The following BABAM1 variants were observed in gnomAD, a reference collection of about 807,000 sequenced individuals.
BABAM1 encodes the protein BRISC and BRCA1-A complex member 1.
Under a neutral mutation model 34.4 loss-of-function variants are expected in BABAM1, and 14 were observed. The ratio of observed to expected loss-of-function variants is 0.41; its 90% CI spans 0.27 to 0.64. BABAM1 has a LOEUF of 0.64. Among genes scored for constraint, BABAM1 ranks in the 30% least tolerant of loss-of-function variants. BABAM1 has a pLI of 0.34. For missense variants in BABAM1, 393 were observed against 434.0 expected, an observed-to-expected ratio of 0.91 and a Z score of 0.84; for synonymous variants, 169 against 165.8, an observed-to-expected ratio of 1.02 and a Z score of -0.15.
intron 2 of BABAM1, among the ~76,000 whole-genome samples, chr19:17,271,088 A>G (rs1044407438): frequency 4.0e-5 from 6 of 151,198 alleles, no homozygotes; most frequent in Non-Finnish European, 8.8e-5. Context: ...TCCCGGGTTC[A>G]AGCAATTCTC....
chr19:17,268,883 G>T lies in BABAM1; in HGVS notation c.77G>T (p.Arg26Leu), dbSNP rs758526214. Residue 26 changes from arginine (R) to leucine (L), a missense_variant, in exon 2 of 9, where the codon CGC becomes CTC. By Grantham distance (102) the Arg-to-Leu change is moderately radical. Coordinates refer to ENST00000598188, the MANE Select transcript of BABAM1 (RefSeq NM_014173.4). ...GAGCACTCGGCAGAGCCTCGGCCCC[G>T]CACTCGCTCCAATCCTGAAGGGGCT... ...EEEHSAEPRP[R>L]TRSNPEGAED... 1 of 1,596,438 alleles carries T rather than the reference G, an allele frequency of 6.3e-7. No homozygotes were observed. The highest frequency in any genetic ancestry group is 8.5e-7 in the Non-Finnish European group (1 of 1,172,346).
At chr19:17,276,982 C>G in intron 8 of BABAM1, 73 bp downstream of exon 8, 1 of 1,389,498 alleles carries the variant, frequency 7.2e-7, no homozygotes, top group Non-Finnish European at 9.9e-7. Flanking sequence ...TGCACTGGGT[C>G]TGGGGGTCTC....
rs748337921 is a variant in BABAM1, at chr19:17,268,839, A to AGAG, written c.45_47dup (p.Glu18dup). On this transcript the variant is annotated inframe_insertion, in exon 2 of 9. Transcript: ENST00000598188. ...TGGCAGAGCCCAGCAGCCCCACTGA[A>AGAG]GAGGAGGAGGAGGAAGAGGAGCACT... The AGAG allele has an allele frequency of 3.1e-6, 5 of 1,610,524 alleles. No individual in the cohort carries two copies. Among genetic ancestry groups the AGAG allele is most frequent in the Non-Finnish European group, 4.2e-6 (5 of 1,178,348 alleles).
intron 5 of BABAM1, chr19:17,274,443 C>T: frequency 2.0e-6 from 1 of 495,790 alleles, no homozygotes. Context: ...TGGTCCATGC[C>T]TATAATCCCA....
At chr19:17,276,376 C>T in intron 6 of BABAM1, 119 bp from the exon 7 acceptor site, 2 of 1,482,110 alleles carry the variant, frequency 1.3e-6, no homozygotes, top group South Asian at 1.2e-5. Flanking sequence ...CAGCAGTGAA[C>T]TTGGGAGACA....
rs555858662 is a variant in BABAM1, at chr19:17,274,396, T to C, written c.544+211T>C. The C allele has an allele frequency of 1.2e-4, 75 of 609,134 alleles. 1 individual carries two copies. Among genetic ancestry groups the C allele is most frequent in the Non-Finnish European group, 1.9e-4 (66 of 351,322 alleles). The allele number at this position is 609,134 out of a possible 1,614,324, so 37.7% of individuals were successfully genotyped here. On this transcript the variant is annotated intron_variant, in intron 5 of 8. Coordinates refer to ENST00000598188, the MANE Select transcript of BABAM1 (RefSeq NM_014173.4). ...CTACCCCATGGAGATGCTGTAACAA[T>C]ACAGAAGCAAAAGTACCTGATTTGG... is the stretch of plus-strand genomic sequence containing the variant.
intron 7 of BABAM1, 75 bp from the exon 8 acceptor site, chr19:17,276,747 GA>G: frequency 6.4e-7 from 1 of 1,556,086 alleles, no homozygotes; most frequent in East Asian, 2.4e-5. Flanking sequence ...GTCTGAGGCA[GA>G]AATGGGGGAG....
At chr19:17,270,079 C>T (rs536105973) in intron 2 of BABAM1, among the ~76,000 whole-genome samples, 9 of 152,168 alleles carry the variant, frequency 5.9e-5, no homozygotes, top group South Asian at 2.1e-4. Context: ...TACAGGCGCC[C>T]GCTACTACGC....
intron 5 of BABAM1, 109 bp downstream of exon 5, chr19:17,274,294 C>T (rs1289552671): frequency 2.2e-6 from 3 of 1,382,038 alleles, no homozygotes; most frequent in Non-Finnish European, 2.0e-6. Context: ...GTTCAGATCT[C>T]AGATCTGCCA....
intron 5 of BABAM1, 84 bp downstream of exon 5, chr19:17,274,269 C>A: frequency 6.6e-7 from 1 of 1,517,280 alleles, no homozygotes; most frequent in South Asian, 1.1e-5. Flanking sequence ...TAAGTCATGA[C>A]TCTGGCTGGC....
Position 17,273,890 on chromosome 19 carries a change from C to G in BABAM1, c.345-14C>G, listed in dbSNP as rs760789818. ...GAGGGAACCTTAATTCCCCTGTACT[C>G]TCTGCCTCCCCAGCTCCAAAACCAA... On this transcript the variant is annotated splice_polypyrimidine_tract_variant and intron_variant, in intron 3 of 8. Transcript: ENST00000598188. 4.0e-5 allele frequency: 64 copies of G among 1,595,268 alleles called. No individual in the cohort carries two copies. In the East Asian group the frequency reaches 1.4e-3, roughly 35 times the overall value.
At chr19:17,271,727 C>T (rs1315855452) in intron 3 of BABAM1, 72 bp downstream of exon 3, 1 of 1,518,394 alleles carries the variant, frequency 6.6e-7, no homozygotes, top group Non-Finnish European at 9.1e-7. Context: ...ATACGGGGCT[C>T]TCACTCTGAA....
chr19:17,274,051 C>T, intron 4 of BABAM1, 27 bp downstream of exon 4: 1 of 1,613,702 alleles, frequency 6.2e-7, no homozygotes, highest in South Asian at 1.1e-5. Flanking sequence ...CGCTGGGTGC[C>T]CTGGGGTCCC....
At position 17,271,584 on chromosome 19, in the gene BABAM1, A is replaced by G; in HGVS notation, c.286-13A>G. ...GGTCAGAGGACGCTCACCACCCTCC[A>G]ACTACCTTGCAGATTATCTGCCTGG... On this transcript the variant is annotated splice_polypyrimidine_tract_variant and intron_variant, in intron 2 of 8. Coordinates refer to ENST00000598188, the MANE Select transcript of BABAM1 (RefSeq NM_014173.4). 1 of 1,613,456 alleles carries G rather than the reference A, an allele frequency of 6.2e-7. No individual in the cohort carries two copies. The highest frequency in any genetic ancestry group is 1.1e-5 in the South Asian group (1 of 90,948).
At chr19:17,269,587 G>T (rs1184214137) in intron 2 of BABAM1, among the ~76,000 whole-genome samples, 1 of 152,042 alleles carries the variant, frequency 6.6e-6, no homozygotes, top group Admixed American at 6.6e-5. Flanking sequence ...TTGACCTTGG[G>T]TGATCCGCCT....
chr19:17,273,564 G>GT (rs754203595), intron 3 of BABAM1, among the ~76,000 whole-genome samples: 75 of 45,926 alleles, frequency 1.6e-3, no homozygotes, highest in East Asian at 4.3e-3. Context: ...TGTTTGTTTT[G>GT]TTTTTTTTTT....
intron 6 of BABAM1, chr19:17,276,235 C>T (rs904948521): frequency 3.5e-5 from 19 of 542,508 alleles, no homozygotes; most frequent in African/African-American, 7.6e-5. Flanking sequence ...CTTGAGAGGC[C>T]GAGGCAGGAG....
chr19:17,269,922 T>C (rs1222287549), intron 2 of BABAM1, among the ~76,000 whole-genome samples: 3 of 149,284 alleles, frequency 2.0e-5, no homozygotes, highest in Non-Finnish European at 4.4e-5. Context: ...ATGGGGTTTC[T>C]TTCTTTCTTT....
chr19:17,268,966 G>A lies in BABAM1; in HGVS notation c.160G>A (p.Glu54Lys). Residue 54 changes from glutamate to lysine, a missense_variant, in exon 2 of 9, where the codon GAG becomes AAG. Coordinates refer to ENST00000598188, the MANE Select transcript of BABAM1 (RefSeq NM_014173.4). ...SVGSRSEGEG[E>K]AASADDGSLN... is the part of the protein sequence containing the mutation. Reference sequence around the variant, plus strand: ...GGGCAGCCGCAGCGAGGGTGAGGGTGAGGCCGCCAGTGCTGATGATGGGAG... The same window carrying A: ...GGGCAGCCGCAGCGAGGGTGAGGGTAAGGCCGCCAGTGCTGATGATGGGAG... The A allele has an allele frequency of 6.3e-7, 1 of 1,575,156 alleles. No homozygotes were observed. Among genetic ancestry groups the A allele is most frequent in the Non-Finnish European group, 8.6e-7 (1 of 1,161,478 alleles).
Sources: gnomAD v4.1 joint callset for allele counts (sites outside exome capture counted in the v4.1 genomes callset) on GRCh38, gnomAD v4.1.1 for gene constraint, MANE v1.5 for transcripts, NCBI Gene and HGNC (gene_info 2026-07-23, HGNC 2026-07-21) for gene names.